Variants in TMPPE observed in about 807,000 individuals in gnomAD.
The protein encoded by TMPPE is transmembrane protein with metallophosphoesterase domain.
A neutral mutation model predicts 22.6 loss-of-function variants in TMPPE; 16 were observed. That is an observed-to-expected ratio of 0.71 (90% confidence interval 0.48 to 1.08). TMPPE has a LOEUF of 1.08. TMPPE is among the 50% of genes least tolerant of loss of function. TMPPE has a pLI of 0.00. For synonymous variants in TMPPE, 240 were observed against 245.3 expected (o/e 0.98, Z 0.20); for missense variants, 526 against 584.3 (o/e 0.90, Z 1.03).
Position 33,092,922 on chromosome 3 carries a change from A to T in TMPPE, c.1274T>A (p.Val425Asp). The T allele has an allele frequency of 6.2e-7, 1 of 1,614,188 alleles. No individual in the cohort carries two copies. The highest frequency in any genetic ancestry group is 1.7e-5 in the Admixed American group (1 of 60,016). Reference sequence around the variant, plus strand: ...CCCGTAGTAGGCTGTGCCTGGGCTGACATACACGAATGTAGCCTGGGCCAC... The same window carrying T: ...CCCGTAGTAGGCTGTGCCTGGGCTGTCATACACGAATGTAGCCTGGGCCAC... ...YQVAQATFVYVSPGTAYYGIP... is the reference protein window; with the variant it reads ...YQVAQATFVYDSPGTAYYGIP... The change falls in exon 2 of 2, where the codon GTC (valine) becomes GAC (aspartate). Residue 425 changes from valine (V) to aspartate (D), a missense_variant. By Grantham distance (152) the Val-to-Asp change is radical. Transcript: ENST00000342462.
rs1181565791 is a variant in TMPPE, at chr3:33,092,917, GGCTGAC to G, written c.1273_1278del (p.Val425_Ser426del). On this transcript the variant is annotated inframe_deletion, in exon 2 of 2. Transcript: ENST00000342462. ...GGTATCCCGTAGTAGGCTGTGCCTG[GGCTGAC>G]ATACACGAATGTAGCCTGGGCCACC... The G allele has an allele frequency of 1.9e-6, 3 of 1,614,058 alleles. No individual in the cohort carries two copies. In the Admixed American group the frequency reaches 5.0e-5, roughly 27 times the overall value.
In TMPPE at chr3:33,093,485, T is replaced by C. The variant is rs981546007; in HGVS notation, c.711A>G (p.Glu237=). 2.5e-6 allele frequency: 4 copies of C among 1,614,022 alleles called. No individual in the cohort carries two copies. The African/African-American group carries it at 4.0e-5, about 16-fold the overall frequency. Residue 237 remains glutamate (E), a synonymous_variant, in exon 2 of 2, where the codon GAA becomes GAG. Transcript: ENST00000342462. The surrounding 1 kb of genome is among the most constrained non-coding windows in gnomAD (Gnocchi z 6.0). ...EMFVRMVNVL[E]PDITVIVGDL... is the part of the protein sequence containing the mutation. ...CACCCACAATCACCGTGATGTCTGGTTCCAGCACATTCACCATCCTCACAA... is the reference window on the plus strand; with the variant it reads ...CACCCACAATCACCGTGATGTCTGGCTCCAGCACATTCACCATCCTCACAA...
In TMPPE at chr3:33,092,949, T is replaced by C. The variant is rs147868127; in HGVS notation, c.1247A>G (p.Gln416Arg). 3.1e-6 allele frequency: 5 copies of C among 1,614,098 alleles called. No homozygotes were observed. In the African/African-American group the frequency reaches 6.7e-5, roughly 22 times the overall value. Residue 416 changes from glutamine (Q) to arginine (R), a missense_variant, in exon 2 of 2, where the codon CAG becomes CGG. Gln to Arg is a conservative substitution (Grantham distance 43). Transcript: ENST00000342462. ...LLNPFFAGLY[Q>R]VAQATFVYVS... ...ATACACGAATGTAGCCTGGGCCACCTGGTAGAGACCAGCAAAGAAGGGATT... is the reference window on the plus strand; with the variant it reads ...ATACACGAATGTAGCCTGGGCCACCCGGTAGAGACCAGCAAAGAAGGGATT...
In TMPPE at chr3:33,090,981, G is replaced by A; in HGVS notation, c.*1853C>T. On this transcript the variant is annotated 3_prime_UTR_variant, in exon 2 of 2. Coordinates refer to ENST00000342462, the MANE Select transcript of TMPPE (RefSeq NM_001039770.3). The stretch of plus-strand genomic sequence containing the variant: ...ATTTCATCAAGCCCAGGTCACTGAT[G>A]AGAAAGATGTAAAATCAAGAAACCA... The A allele has an allele frequency of 1.0e-6, 1 of 985,376 alleles. No individual in the cohort carries two copies. Among genetic ancestry groups the A allele is most frequent in the Non-Finnish European group, 1.2e-6 (1 of 829,918 alleles). The allele number at this position is 985,376 out of a possible 1,614,324, so 61.0% of individuals were successfully genotyped here.
chr3:33,095,992 A>C (rs762137088), intron 1 of TMPPE, among the ~76,000 whole-genome samples: 1 of 152,174 alleles, frequency 6.6e-6, no homozygotes, highest in African/African-American at 2.4e-5. Flanking sequence ...CCAAATACTT[A>C]AGATGTTCAA....
intron 1 of TMPPE, 121 bp downstream of exon 1, chr3:33,096,598 G>T: frequency 1.9e-6 from 2 of 1,044,056 alleles, no homozygotes; most frequent in Non-Finnish European, 2.3e-6. Flanking sequence ...CTTCCGGAGC[G>T]CTCCGCAGAG....
rs201237360 is a variant in TMPPE, at chr3:33,093,168, T to C, written c.1028A>G (p.His343Arg). 181 of 1,614,174 alleles carry C rather than the reference T, an allele frequency of 1.1e-4. 1 individual carries two copies. The South Asian group carries it at 1.9e-3, about 17-fold the overall frequency. Residue 343 changes from histidine (H) to arginine (R), a missense_variant, in exon 2 of 2, where the codon CAC (histidine) becomes CGC (arginine). Transcript: ENST00000342462. This position sits in a 1 kb window ranked among gnomAD's most constrained non-coding sequence, Gnocchi z 6.0. ...GVDDIEADIL[H>R]YSGHGMDLDK... is the part of the protein sequence containing the mutation. ...AAGATCCATGCCATGGCCAGAGTAG[T>C]GCAGGATGTCTGCTTCAATATCGTC...
rs1314194114 is a variant in TMPPE, at chr3:33,092,057, TC to T, written c.*776del. 6.1e-6 allele frequency: 6 copies of T among 985,394 alleles called. No individual in the cohort carries two copies. In the African/African-American group the frequency reaches 1.0e-4, roughly 17 times the overall value. 61.0% of individuals were successfully genotyped at this position (985,394 alleles called of 1,614,324 possible). On this transcript the variant is annotated 3_prime_UTR_variant, in exon 2 of 2. Coordinates refer to ENST00000342462, the MANE Select transcript of TMPPE (RefSeq NM_001039770.3). The stretch of plus-strand genomic sequence containing the variant: ...GAAAAGCAGCCTGTCCCCAGTGAGC[TC>T]CCCGAAGGGTTGTATAAAATGAGAC...
chr3:33,095,858 C>T (rs1701003237), intron 1 of TMPPE, among the ~76,000 whole-genome samples: 1 of 152,178 alleles, frequency 6.6e-6, no homozygotes, highest in African/African-American at 2.4e-5. Flanking sequence ...TCCTACGGGC[C>T]TTCTGGACAA....
chr3:33,093,510 A>C lies in TMPPE; in HGVS notation c.686T>G (p.Phe229Cys). The change falls in exon 2 of 2, where the codon TTT becomes TGT. Residue 229 changes from phenylalanine (F) to cysteine (C), a missense_variant. Transcript: ENST00000342462. The surrounding 1 kb of genome is among the most constrained non-coding windows in gnomAD (Gnocchi z 6.0). ...TTCCAGCACATTCACCATCCTCACAAACATTTCCATCTTGGTCCTGCCCAC... is the reference window on the plus strand; with the variant it reads ...TTCCAGCACATTCACCATCCTCACACACATTTCCATCTTGGTCCTGCCCAC... ...PTVGRTKMEM[F>C]VRMVNVLEPD... 1.2e-6 allele frequency: 2 copies of C among 1,614,182 alleles called. No homozygotes were observed. The highest frequency in any genetic ancestry group is 1.7e-6 in the Non-Finnish European group (2 of 1,180,042).
At chr3:33,096,321 G>T in intron 1 of TMPPE, 5 of 920,126 alleles carry the variant, frequency 5.4e-6, no homozygotes, top group Non-Finnish European at 6.5e-6. Context: ...CACCAACTGT[G>T]CACGCCCCGC....
In TMPPE at chr3:33,097,054, AGAG is replaced by A; in HGVS notation, c.-447_-445del. 6.2e-7 allele frequency: 1 copy of A among 1,612,020 alleles called. No individual in the cohort carries two copies. The highest frequency in any genetic ancestry group is 8.5e-7 in the Non-Finnish European group (1 of 1,178,652). On this transcript the variant is annotated 5_prime_UTR_variant, in exon 1 of 2. Coordinates refer to ENST00000342462, the MANE Select transcript of TMPPE (RefSeq NM_001039770.3). ...GCCCAGAAGCAGCAGAACCAGCAAC[AGAG>A]GGAGGATGCGAACCAGGAACCCCGG...
chr3:33,092,621 CA>C lies in TMPPE; in HGVS notation c.*212del. ...GACCTTAGTGATCTCACAAGTGCAT[CA>C]AAAAAAGCAACTGGCCAAGGAAATA... On this transcript the variant is annotated 3_prime_UTR_variant, in exon 2 of 2. Coordinates refer to ENST00000342462, the MANE Select transcript of TMPPE (RefSeq NM_001039770.3). 8 of 1,359,414 alleles carry C rather than the reference CA, an allele frequency of 5.9e-6. No homozygotes were observed. Among genetic ancestry groups the C allele is most frequent in the South Asian group, 4.2e-5 (2 of 47,162 alleles). 84.2% of individuals were successfully genotyped at this position (1,359,414 alleles called of 1,614,324 possible).
In TMPPE at chr3:33,091,105, A is replaced by C; in HGVS notation, c.*1729T>G. 1 of 985,460 alleles carries C rather than the reference A, an allele frequency of 1.0e-6. No individual in the cohort carries two copies. The highest frequency in any genetic ancestry group is 1.2e-6 in the Non-Finnish European group (1 of 829,942). 61.0% of individuals were successfully genotyped at this position (985,460 alleles called of 1,614,324 possible). ...AGCCCACCTGGTGAAATCCAAAGCGAGAACTTAAAGGGAGTAAGGATGATT... is the reference window on the plus strand; with the variant it reads ...AGCCCACCTGGTGAAATCCAAAGCGCGAACTTAAAGGGAGTAAGGATGATT... On this transcript the variant is annotated 3_prime_UTR_variant, in exon 2 of 2. Coordinates refer to ENST00000342462, the MANE Select transcript of TMPPE (RefSeq NM_001039770.3).
chr3:33,090,718 T>C lies in TMPPE; in HGVS notation c.*2116A>G. The C allele has an allele frequency of 1.0e-6, 1 of 985,430 alleles. No homozygotes were observed. The highest frequency in any genetic ancestry group is 1.2e-6 in the Non-Finnish European group (1 of 829,930). 61.0% of individuals were successfully genotyped at this position (985,430 alleles called of 1,614,324 possible). A position where few individuals can be genotyped will look rare whatever the true frequency, so the allele number is the denominator to read the frequency against. On this transcript the variant is annotated 3_prime_UTR_variant, in exon 2 of 2. Transcript: ENST00000342462. Reference sequence around the variant, plus strand: ...GAATCTGGACAGTGATGGAGAAATTTCTGCTGCAAAAATGTCCGCCGCGTC... The same window carrying C: ...GAATCTGGACAGTGATGGAGAAATTCCTGCTGCAAAAATGTCCGCCGCGTC...
rs376693553 is a variant in TMPPE, at chr3:33,093,182, T to C, written c.1014A>G (p.Glu338=). 58 of 1,613,970 alleles carry C rather than the reference T, an allele frequency of 3.6e-5. No homozygotes were observed. Among genetic ancestry groups the C allele is most frequent in the Non-Finnish European group, 4.8e-5 (57 of 1,180,000 alleles). The change falls in exon 2 of 2, where the codon GAA becomes GAG. Residue 338 remains glutamate, a synonymous_variant. Transcript: ENST00000342462. This position sits in a 1 kb window ranked among gnomAD's most constrained non-coding sequence, Gnocchi z 6.0. The part of the protein sequence containing the change: ...WICLAGVDDI[E]ADILHYSGHG... ...GGCCAGAGTAGTGCAGGATGTCTGC[T>C]TCAATATCGTCCACCCCAGCCAAGC...
Position 33,093,460 on chromosome 3 carries a change from C to G in TMPPE, c.736G>C (p.Asp246His), listed in dbSNP as rs1299213045. The G allele has an allele frequency of 6.2e-7, 1 of 1,614,004 alleles. No individual in the cohort carries two copies. The highest frequency in any genetic ancestry group is 8.5e-7 in the Non-Finnish European group (1 of 1,180,042). Residue 246 changes from aspartate (D) to histidine (H), a missense_variant, in exon 2 of 2, where the codon GAC becomes CAC. Asp to His is a moderately conservative substitution (Grantham distance 81). Coordinates refer to ENST00000342462, the MANE Select transcript of TMPPE (RefSeq NM_001039770.3). The surrounding 1 kb of genome is among the most constrained non-coding windows in gnomAD (Gnocchi z 6.0). ...ACCGAGGCTTCTGAGTCGGAGAGGT[C>G]ACCCACAATCACCGTGATGTCTGGT... is the stretch of plus-strand genomic sequence containing the variant. Reference protein sequence around the residue: ...LEPDITVIVGDLSDSEASVLR... With the variant: ...LEPDITVIVGHLSDSEASVLR...
At position 33,090,768 on chromosome 3, in the gene TMPPE, G is replaced by C; in HGVS notation, c.*2066C>G. Reference sequence around the variant, plus strand: ...CAGGGAATACAAACCACATACGAGAGGGTGTTGATGTTGTTTCTCAGATAC... The same window carrying C: ...CAGGGAATACAAACCACATACGAGACGGTGTTGATGTTGTTTCTCAGATAC... On this transcript the variant is annotated 3_prime_UTR_variant, in exon 2 of 2. Coordinates refer to ENST00000342462, the MANE Select transcript of TMPPE (RefSeq NM_001039770.3). 1.0e-5 allele frequency: 10 copies of C among 985,344 alleles called. No individual in the cohort carries two copies. Among genetic ancestry groups the C allele is most frequent in the Non-Finnish European group, 1.2e-5 (10 of 829,922 alleles). 61.0% of individuals were successfully genotyped at this position (985,344 alleles called of 1,614,324 possible). A position where few individuals can be genotyped will look rare whatever the true frequency, so the allele number is the denominator to read the frequency against.
In TMPPE at chr3:33,092,745, G is replaced by T; in HGVS notation, c.*89C>A. 1 of 1,512,506 alleles carries T rather than the reference G, an allele frequency of 6.6e-7. No homozygotes were observed. Among genetic ancestry groups the T allele is most frequent in the Non-Finnish European group, 8.8e-7 (1 of 1,132,986 alleles). 93.7% of individuals were successfully genotyped at this position (1,512,506 alleles called of 1,614,324 possible). ...GTGTAGGCAAGGATGAGTGGGCAAG[G>T]CTGGAGGGGAAAAGCAGGCAAACCA... On this transcript the variant is annotated 3_prime_UTR_variant, in exon 2 of 2. Transcript: ENST00000342462.
Sources: gnomAD v4.1 joint callset for allele counts (sites outside exome capture counted in the v4.1 genomes callset) on GRCh38, gnomAD v4.1.1 for gene constraint, Gnocchi (gnomAD v3.1) non-coding constraint, MANE v1.5 for transcripts, NCBI Gene and HGNC (gene_info 2026-07-23, HGNC 2026-07-21) for gene names.